The following ANKRD30A variants were observed in gnomAD, a reference collection of about 807,000 sequenced individuals.
ANKRD30A encodes the protein ankyrin repeat domain-containing protein 30A.
A neutral mutation model predicts 166.3 loss-of-function variants in ANKRD30A; 170 were observed. The ratio of observed to expected loss-of-function variants is 1.02; its 90% CI spans 0.90 to 1.16. ANKRD30A has a LOEUF of 1.16. Ranked by LOEUF, ANKRD30A falls within the 50% of genes most tolerant of loss-of-function variation. The pLI is 0.00. For synonymous variants in ANKRD30A, 564 were observed against 508.9 expected (o/e 1.11, Z -1.46); for missense variants, 1,630 against 1,518.0 (o/e 1.07, Z -1.23).
chr10:37,133,980 A>G lies in ANKRD30A; in HGVS notation c.682A>G (p.Asn228Asp). Residue 228 changes from asparagine to aspartate, a missense_variant, in exon 5 of 36, where the codon AAT (asparagine) becomes GAT (aspartate). By Grantham distance (23) the Asn-to-Asp change is conservative. This residue lies in a region of ANKRD30A where 904 missense variants were observed against 818.5 expected (regional missense o/e 1.10). Coordinates refer to ENST00000361713, the MANE Select transcript of ANKRD30A (RefSeq NM_052997.3). ...SEIVGMLLQQNVDVFAADICG... is the reference protein window; with the variant it reads ...SEIVGMLLQQDVDVFAADICG... ...GATAGTTGGCATGCTTCTTCAGCAA[A>G]ATGTTGACGTCTTTGCTGCAGATAT... The G allele has an allele frequency of 6.2e-7, 1 of 1,614,100 alleles. No homozygotes were observed. Among genetic ancestry groups the G allele is most frequent in the South Asian group, 1.1e-5 (1 of 91,072 alleles).
At chr10:37,143,094 T>C (rs1396037754) in intron 7 of ANKRD30A, among the ~76,000 whole-genome samples, 1 of 152,242 alleles carries the variant, frequency 6.6e-6, no homozygotes, top group African/African-American at 2.4e-5. Flanking sequence ...AAAGCAAATG[T>C]AATTACTGTG....
intron 13 of ANKRD30A, among the ~76,000 whole-genome samples, chr10:37,156,007 G>T (rs1838350063): frequency 6.6e-6 from 1 of 151,842 alleles, no homozygotes; most frequent in South Asian, 2.1e-4. Context: ...CGTGAACTTG[G>T]GAGGCGGAGC....
chr10:37,194,624 C>T (rs532440163), intron 27 of ANKRD30A, among the ~76,000 whole-genome samples: 2 of 152,200 alleles, frequency 1.3e-5, no homozygotes, highest in Admixed American at 6.5e-5. Context: ...GAATTACAGG[C>T]GTGAGGCACC....
chr10:37,265,416 G>A, the ANKRD30A span, among the ~76,000 whole-genome samples: 2 of 152,130 alleles, frequency 1.3e-5, no homozygotes, highest in African/African-American at 4.8e-5. Context: ...ACAGGCTGCT[G>A]GGCCCTGTAT....
At chr10:37,257,341 A>G in the ANKRD30A span, among the ~76,000 whole-genome samples, 3 of 151,148 alleles carry the variant, frequency 2.0e-5, no homozygotes, top group African/African-American at 7.3e-5. Flanking sequence ...TTTTCAAAAA[A>G]AAAAACAGCT....
chr10:37,197,139 A>G, intron 27 of ANKRD30A, 142 bp from the exon 28 acceptor site: 1 of 1,217,340 alleles, frequency 8.2e-7, no homozygotes. Context: ...TCCTAAACAA[A>G]CCAAAAGAAA....
chr10:37,142,283 T>C lies in ANKRD30A; in HGVS notation c.1386T>C (p.Ser462=). ...CAAAAGAATCATCTACAAAAGCAAG[T>C]GCCAATGGTAAGATGCTAGAGCGAA... ...CPTKESSTKA[S]ANDQRFPSES... is the part of the protein sequence containing the mutation. The change falls in exon 7 of 36, where the codon AGT becomes AGC. Residue 462 remains serine, a synonymous_variant. Coordinates refer to ENST00000361713, the MANE Select transcript of ANKRD30A (RefSeq NM_052997.3). 6.3e-7 allele frequency: 1 copy of C among 1,589,860 alleles called. No homozygotes were observed. Among genetic ancestry groups the C allele is most frequent in the South Asian group, 1.2e-5 (1 of 85,636 alleles).
At position 37,162,779 on chromosome 10, in the gene ANKRD30A, G is replaced by A. The variant is rs776371102; in HGVS notation, c.1933G>A (p.Ala645Thr). The change falls in exon 17 of 36, where the codon GCC becomes ACC. Residue 645 changes from alanine (A) to threonine (T), a missense_variant. Physicochemically the swap from Ala to Thr is moderately conservative, Grantham distance 58. This residue lies in a region of ANKRD30A where 904 missense variants were observed against 818.5 expected (regional missense o/e 1.10). Transcript: ENST00000361713. ...TTTTGCTTCCAACCCCATTTAGCCT[G>A]CCACTGAAATGCAAAAGTCTGTCCC... ...PPGKPSAFEPATEMQKSVPNK... is the reference protein window; with the variant it reads ...PPGKPSAFEPTTEMQKSVPNK... 5.6e-6 allele frequency: 9 copies of A among 1,613,582 alleles called. No individual in the cohort carries two copies. Among genetic ancestry groups the A allele is most frequent in the Non-Finnish European group, 7.6e-6 (9 of 1,179,798 alleles).
chr10:37,217,903 T>C (rs1198885785), intron 33 of ANKRD30A, 25 bp downstream of exon 33: 1 of 1,454,640 alleles, frequency 6.9e-7, no homozygotes, highest in East Asian at 2.5e-5. Flanking sequence ...GATAAAAATT[T>C]TATATTTCTA....
intron 18 of ANKRD30A, among the ~76,000 whole-genome samples, chr10:37,165,750 T>C (rs1420345843): frequency 1.3e-5 from 2 of 152,158 alleles, no homozygotes; most frequent in African/African-American, 2.4e-5. Flanking sequence ...TTTTCACAAA[T>C]AGAACTCCTT....
chr10:37,236,199 A>G (rs1843667842), downstream of ANKRD30A, among the ~76,000 whole-genome samples: 1 of 152,134 alleles, frequency 6.6e-6, no homozygotes, highest in South Asian at 2.1e-4. Context: ...GGCTGTGGTG[A>G]GGTAGGCTGC....
intron 34 of ANKRD30A, among the ~76,000 whole-genome samples, chr10:37,225,628 AT>A (rs1053443629): frequency 4.0e-5 from 6 of 151,844 alleles, no homozygotes; most frequent in Non-Finnish European, 5.9e-5. Flanking sequence ...TTTTAAAAAA[AT>A]TTTTTTGGGC....
intron 5 of ANKRD30A, among the ~76,000 whole-genome samples, chr10:37,134,828 G>A (rs1836582465): frequency 6.6e-6 from 1 of 152,150 alleles, no homozygotes; most frequent in Non-Finnish European, 1.5e-5. Context: ...AATATTAATT[G>A]TGATAGTTTA....
At chr10:37,231,432 T>C in intron 34 of ANKRD30A, 29 bp from the exon 35 acceptor site, 1 of 1,577,474 alleles carries the variant, frequency 6.3e-7, no homozygotes, top group Non-Finnish European at 8.6e-7. Flanking sequence ...AATAAAATAC[T>C]AAGCATTTTC....
chr10:37,183,871 G>A (rs1271775073), intron 24 of ANKRD30A, among the ~76,000 whole-genome samples: 1 of 148,612 alleles, frequency 6.7e-6, no homozygotes, highest in Non-Finnish European at 1.5e-5. Context: ...AATGGTGACC[G>A]GGTGCGGTGG....
At chr10:37,158,729 C>T (rs1221176558) in intron 15 of ANKRD30A, 143 bp downstream of exon 15, 38 of 1,313,522 alleles carry the variant, frequency 2.9e-5, no homozygotes, top group Non-Finnish European at 3.6e-5. Flanking sequence ...GTGAGTATTT[C>T]TGTTTGAGAA....
intron 31 of ANKRD30A, among the ~76,000 whole-genome samples, chr10:37,214,062 T>C (rs1490651615): frequency 6.6e-6 from 1 of 151,688 alleles, no homozygotes; most frequent in African/African-American, 2.4e-5. Flanking sequence ...GTTCTATCTT[T>C]GTATCATGTA....
At chr10:37,161,543 C>G (rs1309563091) in intron 15 of ANKRD30A, among the ~76,000 whole-genome samples, 1 of 151,908 alleles carries the variant, frequency 6.6e-6, no homozygotes, top group Non-Finnish European at 1.5e-5. Context: ...GCAGGTAATT[C>G]TGGAGACTCT....
chr10:37,163,350 C>CCTGCGTGTGT (rs1839077533), intron 17 of ANKRD30A, among the ~76,000 whole-genome samples: 1 of 52,638 alleles, frequency 1.9e-5, no homozygotes, highest in Non-Finnish European at 3.8e-5. Flanking sequence ...TGCGTGTGTG[C>CCTGCGTGTGT]CTGCGTGTGC....
Sources: allele counts gnomAD v4.1 joint callset (sites outside exome capture counted in the v4.1 genomes callset), GRCh38; gene constraint gnomAD v4.1.1; regional missense constraint gnomAD v4.1.1; transcripts MANE v1.5; gene names NCBI Gene and HGNC (gene_info 2026-07-23, HGNC 2026-07-21).